The following OR1J2 variants were observed in gnomAD, a reference collection of about 807,000 sequenced individuals.
OR1J2 encodes the protein olfactory receptor family 1 subfamily J member 2.
For missense variants in OR1J2, 304 were observed against 246.1 expected, an observed-to-expected ratio of 1.24 and a Z score of -1.57; for synonymous variants, 142 against 99.7, an observed-to-expected ratio of 1.42 and a Z score of -2.52.
the OR1J2 span, among the ~76,000 whole-genome samples, chr9:122,565,740 T>G: frequency 6.6e-6 from 1 of 152,392 alleles, no homozygotes; most frequent in Non-Finnish European, 1.5e-5. Context: ...TCTAGTAGTT[T>G]AATTTTTATG....
the OR1J2 span, among the ~76,000 whole-genome samples, chr9:122,558,036 A>G: frequency 6.6e-6 from 1 of 151,734 alleles, no homozygotes; most frequent in East Asian, 1.9e-4. Flanking sequence ...TTCAATGTTC[A>G]TGGGATTTGT....
chr9:122,523,937 T>C, the OR1J2 span, among the ~76,000 whole-genome samples: 2 of 152,188 alleles, frequency 1.3e-5, no homozygotes. Context: ...GGTGCAAAGA[T>C]TTATAAGTCA....
chr9:122,499,973 C>A, the OR1J2 span, among the ~76,000 whole-genome samples: 3 of 152,224 alleles, frequency 2.0e-5, no homozygotes, highest in Non-Finnish European at 4.4e-5. Context: ...TCTCCTCCCA[C>A]TGCAGGCTTG....
At chr9:122,536,930 G>A in the OR1J2 span, among the ~76,000 whole-genome samples, 1 of 152,044 alleles carries the variant, frequency 6.6e-6, no homozygotes, top group Non-Finnish European at 1.5e-5. Flanking sequence ...GTCTATTTTT[G>A]TAATAGTACC....
the OR1J2 span, chr9:122,519,428 G>C: frequency 6.2e-7 from 1 of 1,614,138 alleles, no homozygotes; most frequent in Admixed American, 1.7e-5. Flanking sequence ...TTTATGCAGG[G>C]TGTGTAACTC....
chr9:122,535,010 A>T, the OR1J2 span, among the ~76,000 whole-genome samples: 2 of 152,088 alleles, frequency 1.3e-5, no homozygotes, highest in Non-Finnish European at 2.9e-5. Flanking sequence ...TGTGAGTTGA[A>T]GAGGTTTTAG....
At chr9:122,513,164 T>C (rs1828660411), downstream of OR1J2, among the ~76,000 whole-genome samples, 1 of 152,210 alleles carries the variant, frequency 6.6e-6, no homozygotes, top group South Asian at 2.1e-4. Flanking sequence ...TTATTGTTAT[T>C]TTTACCCCAG....
the OR1J2 span, among the ~76,000 whole-genome samples, chr9:122,480,481 G>A: frequency 6.6e-6 from 1 of 151,200 alleles, no homozygotes; most frequent in Non-Finnish European, 1.5e-5. Flanking sequence ...AAGGGTATAA[G>A]TGCAGGTTTG....
At chr9:122,488,182 G>A in the OR1J2 span, among the ~76,000 whole-genome samples, 1 of 152,138 alleles carries the variant, frequency 6.6e-6, no homozygotes, top group Non-Finnish European at 1.5e-5. Context: ...CTGTTGCCCA[G>A]GCTGGAGTGC....
chr9:122,456,963 A>C, the OR1J2 span, among the ~76,000 whole-genome samples: 4 of 152,210 alleles, frequency 2.6e-5, no homozygotes, highest in Admixed American at 6.5e-5. Flanking sequence ...AAAGACATGT[A>C]ATCAACCCAA....
At chr9:122,553,383 C>A in the OR1J2 span, 1 of 1,614,154 alleles carries the variant, frequency 6.2e-7, no homozygotes, top group Non-Finnish European at 8.5e-7. Flanking sequence ...TGACCCACAC[C>A]TCCATACTCC....
At chr9:122,471,183 A>G in the OR1J2 span, among the ~76,000 whole-genome samples, 3 of 152,274 alleles carry the variant, frequency 2.0e-5, no homozygotes, top group South Asian at 4.1e-4. Flanking sequence ...CTTGAATTGT[A>G]TCTCCAATAA....
At chr9:122,567,417 C>A in the OR1J2 span, 1 of 629,446 alleles carries the variant, frequency 1.6e-6, no homozygotes, top group South Asian at 2.3e-5. Flanking sequence ...GATGTAAGTG[C>A]CCACAATAGC....
At chr9:122,538,003 T>C in the OR1J2 span, among the ~76,000 whole-genome samples, 1 of 152,192 alleles carries the variant, frequency 6.6e-6, no homozygotes, top group Non-Finnish European at 1.5e-5. Flanking sequence ...TAGCTTGAGT[T>C]ACTCCATATT....
chr9:122,554,467 T>C, the OR1J2 span, among the ~76,000 whole-genome samples: 7 of 152,142 alleles, frequency 4.6e-5, no homozygotes, highest in Non-Finnish European at 1.0e-4. Context: ...TATGAGGCTC[T>C]GGAGCTGAGC....
chr9:122,530,318 A>G, the OR1J2 span, among the ~76,000 whole-genome samples: 1 of 152,180 alleles, frequency 6.6e-6, no homozygotes, highest in Non-Finnish European at 1.5e-5. Context: ...GAAGTTTTTT[A>G]TGTTTACATT....
chr9:122,477,005 A>C, the OR1J2 span: 1 of 1,607,002 alleles, frequency 6.2e-7, no homozygotes, highest in Non-Finnish European at 8.5e-7. Flanking sequence ...ACTGCGCCTG[A>C]CCTACTCAAG....
At chr9:122,466,569 G>A in the OR1J2 span, among the ~76,000 whole-genome samples, 1 of 152,106 alleles carries the variant, frequency 6.6e-6, no homozygotes, top group Non-Finnish European at 1.5e-5. Context: ...ACTAACATTC[G>A]TAATGTTACA....
At chr9:122,535,029 G>A in the OR1J2 span, among the ~76,000 whole-genome samples, 1 of 151,998 alleles carries the variant, frequency 6.6e-6, no homozygotes, top group African/African-American at 2.4e-5. Flanking sequence ...AGGTTTTTAA[G>A]AACACAGGCT....
Sources: allele counts gnomAD v4.1 joint callset (sites outside exome capture counted in the v4.1 genomes callset), GRCh38; gene constraint gnomAD v4.1.1; transcripts MANE v1.5; gene names NCBI Gene and HGNC (gene_info 2026-07-23, HGNC 2026-07-21).